Variants in ATP8A1 observed in about 807,000 individuals in gnomAD.
The protein encoded by ATP8A1 is ATPase phospholipid transporting 8A1.
Under a neutral mutation model 177.7 loss-of-function variants are expected in ATP8A1, and 90 were observed. That is an observed-to-expected ratio of 0.51 (90% CI 0.43 to 0.60). ATP8A1 has a LOEUF of 0.60. Among genes scored for constraint, ATP8A1 ranks in the 20% least tolerant of loss-of-function variants. ATP8A1 has a pLI of 0.00. For missense variants in ATP8A1, 1,072 were observed against 1,392.8 expected, an observed-to-expected ratio of 0.77 and a Z score of 3.67; for synonymous variants, 493 against 485.9, an observed-to-expected ratio of 1.01 and a Z score of -0.19.
intron 1 of ATP8A1, among the ~76,000 whole-genome samples, chr4:42,636,119 TACAC>T (rs544619447): frequency 3.4e-3 from 266 of 79,072 alleles, no homozygotes; most frequent in East Asian, 0.017. Context: ...ATGGGCTTAA[TACAC>T]ACACACACAC....
chr4:42,454,996 A>G (rs1260701339), intron 29 of ATP8A1, among the ~76,000 whole-genome samples: 1 of 152,206 alleles, frequency 6.6e-6, no homozygotes, highest in Non-Finnish European at 1.5e-5. Context: ...ACAGAAGGCC[A>G]GAGAACCAAA....
At chr4:42,581,347 A>G (rs1338927376) in intron 10 of ATP8A1, among the ~76,000 whole-genome samples, 1 of 152,166 alleles carries the variant, frequency 6.6e-6, no homozygotes, top group Non-Finnish European at 1.5e-5. Context: ...GTTAGCCAGC[A>G]TGATCTTGAT....
chr4:42,593,400 A>G lies in ATP8A1; in HGVS notation c.451-2516T>C, dbSNP rs370306112. Among the ~76,000 whole-genome samples, 248 of 152,246 alleles carry G rather than the reference A, an allele frequency of 1.6e-3. 2 individuals are homozygous for G. Among genetic ancestry groups the G allele is most frequent in the African/African-American group, 5.4e-3 (224 of 41,578 alleles). ...CTATAGGTACATGGCACAAAATTATAGAAATATAACTACCTGCAGTTACTT... is the reference window on the plus strand; with the variant it reads ...CTATAGGTACATGGCACAAAATTATGGAAATATAACTACCTGCAGTTACTT... On this transcript the variant is annotated intron_variant, in intron 6 of 36. Coordinates refer to ENST00000381668, the MANE Select transcript of ATP8A1 (RefSeq NM_006095.2).
intron 5 of ATP8A1, among the ~76,000 whole-genome samples, chr4:42,613,293 T>C (rs1441536956): frequency 2.6e-5 from 4 of 152,134 alleles, no homozygotes; most frequent in Non-Finnish European, 4.4e-5. Flanking sequence ...ATAAAAGCCA[T>C]AATTTCTTGG....
At chr4:42,559,172 G>A (rs1484413678) in intron 15 of ATP8A1, among the ~76,000 whole-genome samples, 1 of 152,034 alleles carries the variant, frequency 6.6e-6, no homozygotes, top group Non-Finnish European at 1.5e-5. Context: ...GGTGACAGAG[G>A]GAGATCATCT....
chr4:42,644,101 A>G (rs1282788888), intron 1 of ATP8A1, among the ~76,000 whole-genome samples: 1 of 152,226 alleles, frequency 6.6e-6, no homozygotes, highest in African/African-American at 2.4e-5. Context: ...GGTCAATTTT[A>G]GCTGAACATA....
chr4:42,478,822 T>G (rs1410546304), intron 25 of ATP8A1, among the ~76,000 whole-genome samples: 1 of 152,188 alleles, frequency 6.6e-6, no homozygotes, highest in Non-Finnish European at 1.5e-5. Flanking sequence ...ATTCATGTCC[T>G]TATTTTTAGG....
chr4:42,619,647 A>G (rs9999035), intron 4 of ATP8A1, among the ~76,000 whole-genome samples: 52,184 of 150,836 alleles, frequency 0.35, 9,155 homozygotes, highest in East Asian at 0.48. Flanking sequence ...TTTTAAATCT[A>G]TATATATAGA....
chr4:42,442,569 T>C (rs1716747438), intron 33 of ATP8A1, among the ~76,000 whole-genome samples: 1 of 152,234 alleles, frequency 6.6e-6, no homozygotes, highest in African/African-American at 2.4e-5. Context: ...TTGATATGTC[T>C]GGTTTTGCTG....
chr4:42,408,911 A>G lies in ATP8A1; in HGVS notation c.*4005T>C, dbSNP rs1270348587. The G allele has an allele frequency of 6.6e-6, 1 of 152,214 alleles. No individual in the cohort carries two copies. The highest frequency in any genetic ancestry group is 1.5e-5 in the Non-Finnish European group (1 of 68,024). 9.4% of individuals were successfully genotyped at this position (152,214 alleles called of 1,614,324 possible). On this transcript the variant is annotated 3_prime_UTR_variant, in exon 37 of 37. Coordinates refer to ENST00000381668, the MANE Select transcript of ATP8A1 (RefSeq NM_006095.2). ...GGAAAGTTGCTGTTAATTCAAAGTA[A>G]GCAAATATGAAATCTAGCTTTCCTA...
chr4:42,521,821 T>C (rs1726158564), intron 22 of ATP8A1, among the ~76,000 whole-genome samples: 1 of 152,200 alleles, frequency 6.6e-6, no homozygotes, highest in Admixed American at 6.5e-5. Context: ...AGCACACATG[T>C]CATGTATGTA....
At chr4:42,650,304 T>C (rs924952792) in intron 1 of ATP8A1, among the ~76,000 whole-genome samples, 1 of 152,224 alleles carries the variant, frequency 6.6e-6, no homozygotes, top group African/African-American at 2.4e-5. Flanking sequence ...GATGACATGC[T>C]GTATCGCTAT....
chr4:42,438,797 A>G (rs1716287950), intron 33 of ATP8A1, among the ~76,000 whole-genome samples: 1 of 152,212 alleles, frequency 6.6e-6, no homozygotes, highest in African/African-American at 2.4e-5. Context: ...AATGGGATTG[A>G]AAAGAATGAC....
intron 17 of ATP8A1, among the ~76,000 whole-genome samples, chr4:42,552,296 T>G (rs896938372): frequency 2.0e-5 from 3 of 152,258 alleles, no homozygotes; most frequent in Admixed American, 1.3e-4. Flanking sequence ...ATGTAACTTA[T>G]GTAATATGCC....
chr4:42,458,232 C>T (rs1429546476), intron 27 of ATP8A1, among the ~76,000 whole-genome samples: 1 of 152,112 alleles, frequency 6.6e-6, no homozygotes, highest in African/African-American at 2.4e-5. Flanking sequence ...ATAAAAGTAC[C>T]TCCTCTAATT....
At chr4:42,482,596 T>C (rs1441389539) in intron 25 of ATP8A1, among the ~76,000 whole-genome samples, 2 of 152,190 alleles carry the variant, frequency 1.3e-5, no homozygotes, top group Non-Finnish European at 1.5e-5. Context: ...TTTCTTTCAA[T>C]TCAGCTGAAG....
intron 24 of ATP8A1, among the ~76,000 whole-genome samples, chr4:42,493,050 C>A (rs903596023): frequency 6.6e-6 from 1 of 152,230 alleles, no homozygotes; most frequent in Non-Finnish European, 1.5e-5. Flanking sequence ...TCAGCAGACA[C>A]ATGCGAATTA....
intron 4 of ATP8A1, among the ~76,000 whole-genome samples, chr4:42,623,637 G>A (rs1321079495): frequency 6.6e-6 from 1 of 152,120 alleles, no homozygotes; most frequent in Non-Finnish European, 1.5e-5. Context: ...TTGTAAATGG[G>A]AGTAAATGAT....
At chr4:42,635,801 ATATATATATACACATG>A (rs1398311278) in intron 1 of ATP8A1, among the ~76,000 whole-genome samples, 1 of 116,708 alleles carries the variant, frequency 8.6e-6, no homozygotes. Context: ...ATATATATAT[ATATATATATACACATG>A]TATGTATGTA....
Sources: gnomAD v4.1 joint callset for allele counts (sites outside exome capture counted in the v4.1 genomes callset) on GRCh38, gnomAD v4.1.1 for gene constraint, MANE v1.5 for transcripts, NCBI Gene and HGNC (gene_info 2026-07-23, HGNC 2026-07-21) for gene names.